SPC25: variants seen among roughly 807,000 people sequenced by gnomAD.
SPC25 encodes the protein kinetochore protein Spc25.
A neutral mutation model predicts 29.6 loss-of-function variants in SPC25; 22 were observed. The observed-to-expected ratio is 0.74, with a 90% CI of 0.53 to 1.06. SPC25 has a LOEUF of 1.06. Among genes scored for constraint, SPC25 ranks in the 50% least tolerant of loss-of-function variants. SPC25 has a pLI of 0.00. For synonymous variants in SPC25, 91 were observed against 90.4 expected (o/e 1.01, Z -0.04); for missense variants, 230 against 255.8 (o/e 0.90, Z 0.69).
Position 168,871,301 on chromosome 2 carries a change from A to C in SPC25, c.*130T>G, listed in dbSNP as rs1440278367. On this transcript the variant is annotated 3_prime_UTR_variant, in exon 7 of 7. Coordinates refer to ENST00000282074, the MANE Select transcript of SPC25 (RefSeq NM_020675.4). ...GCACACCAATATGGCACATGTATACATATGTAACAAACCTGCACATTGTGC... is the reference window on the plus strand; with the variant it reads ...GCACACCAATATGGCACATGTATACCTATGTAACAAACCTGCACATTGTGC... 4.8e-6 allele frequency: 4 copies of C among 833,834 alleles called. No homozygotes were observed. In the African/African-American group the frequency reaches 5.3e-5, roughly 11 times the overall value. The allele number at this position is 833,834 out of a possible 1,614,324, so 51.7% of individuals were successfully genotyped here.
At chr2:168,864,306 A>C (rs1260006450) in intron 4 of SPC25, among the ~76,000 whole-genome samples, 1 of 146,560 alleles carries the variant, frequency 6.8e-6, no homozygotes, top group Non-Finnish European at 1.5e-5. Flanking sequence ...TCTGAGACAG[A>C]GTCTTGCCCT....
intron 3 of SPC25, among the ~76,000 whole-genome samples, chr2:168,881,278 C>G (rs1690173879): frequency 6.6e-6 from 1 of 152,224 alleles, no homozygotes; most frequent in African/African-American, 2.4e-5. Context: ...CCCTAGCCCT[C>G]TTAAACACTC....
intron 4 of SPC25, among the ~76,000 whole-genome samples, chr2:168,863,858 T>A (rs187388180): frequency 6.6e-6 from 1 of 151,792 alleles, no homozygotes; most frequent in Non-Finnish European, 1.5e-5. Context: ...ATCAGCTACA[T>A]AGAAATAGAA....
intron 4 of SPC25, chr2:168,863,668 CT>C: frequency 4.6e-6 from 4 of 867,232 alleles, no homozygotes; most frequent in Non-Finnish European, 5.1e-6. Flanking sequence ...CTGTGCAAAG[CT>C]GTGAGTGAGT....
downstream of SPC25, among the ~76,000 whole-genome samples, chr2:168,870,122 A>C (rs1281969769): frequency 1.3e-5 from 2 of 151,836 alleles, no homozygotes; most frequent in Non-Finnish European, 1.5e-5. Flanking sequence ...TTCCCTATTT[A>C]ATAAATGGTG....
downstream of SPC25, among the ~76,000 whole-genome samples, chr2:168,867,083 T>C (rs1689874253): frequency 6.6e-6 from 1 of 152,152 alleles, no homozygotes; most frequent in Admixed American, 6.6e-5. Flanking sequence ...CTCAGGGATC[T>C]AGAACTAGAA....
At chr2:168,882,046 G>T (rs1690185190) in intron 3 of SPC25, among the ~76,000 whole-genome samples, 1 of 152,144 alleles carries the variant, frequency 6.6e-6, no homozygotes, top group East Asian at 1.9e-4. Context: ...AAACTGCAAA[G>T]CTTGTCTGAG....
rs199623255 is a variant in SPC25 at position 168,888,788 on chromosome 2, AT to A, written c.199+437del. Among the ~76,000 whole-genome samples, 427 of 144,728 alleles carry A rather than the reference AT, an allele frequency of 3.0e-3. 3 individuals are homozygous for A. The highest frequency in any genetic ancestry group is 9.9e-3 in the African/African-American group (393 of 39,570). The allele number at this position is 144,728 out of a possible 152,430, so 94.9% of individuals were successfully genotyped here. A position where few individuals can be genotyped will look rare whatever the true frequency, so the allele number is the denominator to read the frequency against. ...GTATATATATATATTTTAATTTTTA[AT>A]TTTTTTTTTAAATCTTTTGTAGAGA... On this transcript the variant is annotated intron_variant, in intron 3 of 6. Transcript: ENST00000282074.
chr2:168,890,281 G>A (rs1191395136), intron 1 of SPC25, 37 bp downstream of exon 1: 3 of 953,180 alleles, frequency 3.1e-6, no homozygotes, highest in Middle Eastern at 5.4e-4. Flanking sequence ...TGCGACAGGG[G>A]GGCCAAGGAG....
downstream of SPC25, among the ~76,000 whole-genome samples, chr2:168,867,959 G>A (rs1259480059): frequency 6.6e-6 from 1 of 152,312 alleles, no homozygotes; most frequent in Non-Finnish European, 1.5e-5. Context: ...TGGAAGTAAA[G>A]CACTCCTCAG....
intron 4 of SPC25, among the ~76,000 whole-genome samples, chr2:168,863,186 G>A (rs780456316): frequency 3.7e-4 from 57 of 152,250 alleles, no homozygotes; most frequent in Middle Eastern, 3.4e-3. Context: ...GAAACACGAC[G>A]TTGGAGCCTT....
intron 6 of SPC25, among the ~76,000 whole-genome samples, chr2:168,871,837 C>T (rs1301910846): frequency 7.2e-5 from 11 of 151,992 alleles, no homozygotes; most frequent in Admixed American, 2.0e-4. Context: ...CAGAATGACC[C>T]TGCCCATCAT....
rs1408617285 is a variant in SPC25 at position 168,873,510 on chromosome 2, T to C, written c.550+75A>G. 8 of 1,030,396 alleles carry C rather than the reference T, an allele frequency of 7.8e-6. No individual in the cohort carries two copies. In the Admixed American group the frequency reaches 9.0e-5, roughly 12 times the overall value. 63.8% of individuals were successfully genotyped at this position (1,030,396 alleles called of 1,614,324 possible). ...TCTGGAGCTATTACTTTCCTCCATATTACTTTATATGCTGATTGAAATAAC... is the reference window on the plus strand; with the variant it reads ...TCTGGAGCTATTACTTTCCTCCATACTACTTTATATGCTGATTGAAATAAC... On this transcript the variant is annotated intron_variant, in intron 6 of 6. Transcript: ENST00000282074.
chr2:168,872,687 G>C (rs1574358724), intron 6 of SPC25, among the ~76,000 whole-genome samples: 1 of 152,108 alleles, frequency 6.6e-6, no homozygotes, highest in Non-Finnish European at 1.5e-5. Flanking sequence ...ATCCAATTTA[G>C]AGAAAATTGA....
chr2:168,884,001 C>T (rs920779939), intron 3 of SPC25, among the ~76,000 whole-genome samples: 5 of 152,066 alleles, frequency 3.3e-5, no homozygotes, highest in Non-Finnish European at 7.4e-5. Context: ...GATCTTTTGA[C>T]CTCGTGATCC....
chr2:168,886,550 T>C (rs988441881), intron 3 of SPC25, among the ~76,000 whole-genome samples: 20 of 150,830 alleles, frequency 1.3e-4, no homozygotes, highest in African/African-American at 2.2e-4. Flanking sequence ...GATGGAGTCT[T>C]GCTCTGTCGC....
chr2:168,872,941 G>A (rs1690020356), intron 6 of SPC25, among the ~76,000 whole-genome samples: 1 of 152,126 alleles, frequency 6.6e-6, no homozygotes, highest in Non-Finnish European at 1.5e-5. Context: ...AATGAGCTGA[G>A]AACCATTTTT....
chr2:168,886,425 G>C lies in SPC25; in HGVS notation c.199+2801C>G, dbSNP rs547930097. Among the ~76,000 whole-genome samples, 3 of 152,054 alleles carry C rather than the reference G, an allele frequency of 2.0e-5. No individual in the cohort carries two copies. The East Asian group carries it at 5.8e-4, about 29-fold the overall frequency. On this transcript the variant is annotated intron_variant, in intron 3 of 6. Coordinates refer to ENST00000282074, the MANE Select transcript of SPC25 (RefSeq NM_020675.4). ...ATATTGTGAGTAGATTATACTTTAT[G>C]CACTGTTGTCTCCTTAGTGGTGGGC...
chr2:168,885,108 G>A (rs549067600), intron 3 of SPC25, among the ~76,000 whole-genome samples: 1 of 152,240 alleles, frequency 6.6e-6, no homozygotes, highest in South Asian at 2.1e-4. Flanking sequence ...AAGACTTGCT[G>A]CACAATAAAC....
Sources: allele counts gnomAD v4.1 joint callset (sites outside exome capture counted in the v4.1 genomes callset), GRCh38; gene constraint gnomAD v4.1.1; transcripts MANE v1.5; gene names NCBI Gene and HGNC (gene_info 2026-07-23, HGNC 2026-07-21).